KL: variants seen among roughly 807,000 people sequenced by gnomAD.
KL encodes the protein alpha-klotho.
KL carries 62 observed loss-of-function variants against 84.2 expected under a neutral mutation model. The observed-to-expected ratio is 0.74, with a 90% CI of 0.60 to 0.91. The LOEUF is 0.91. KL is among the 40% of genes least tolerant of loss of function. KL has a pLI of 0.00. For synonymous variants in KL, 528 were observed against 528.0 expected (o/e 1.00, Z 0.00); for missense variants, 1,261 against 1,305.7 (o/e 0.97, Z 0.53).
At chr13:33,057,254 A>G (rs1420011056) in intron 3 of KL, among the ~76,000 whole-genome samples, 1 of 152,070 alleles carries the variant, frequency 6.6e-6, no homozygotes, top group African/African-American at 2.4e-5. Context: ...ATTGCTGTGC[A>G]GATCATGGGA....
chr13:33,017,403 G>T (rs534180175), intron 1 of KL, 144 bp downstream of exon 1: 2 of 787,700 alleles, frequency 2.5e-6, no homozygotes, highest in South Asian at 3.7e-5. Flanking sequence ...AAACTGAGCA[G>T]TTCTGACTTC....
intron 4 of KL, among the ~76,000 whole-genome samples, chr13:33,062,030 T>C (rs1872228698): frequency 6.6e-6 from 1 of 152,236 alleles, no homozygotes; most frequent in African/African-American, 2.4e-5. Flanking sequence ...TTGTCTTCCA[T>C]CTTGGATGGC....
At position 33,061,305 on chromosome 13, in the gene KL, C is replaced by T. The variant is rs201355613; in HGVS notation, c.2226C>T (p.Ser742=). The part of the protein sequence containing the change: ...ADWIEPACPF[S]QKDKEVAERV... ...GGATAGAACCTGCCTGCCCTTTCTC[C>T]CAAAAGGACAAAGAGGTGGCTGAGA... The change falls in exon 4 of 5, where the codon TCC becomes TCT. Residue 742 remains serine, a synonymous_variant. Transcript: ENST00000380099. The T allele has an allele frequency of 3.1e-6, 5 of 1,614,172 alleles. No individual in the cohort carries two copies. The highest frequency in any genetic ancestry group is 4.2e-6 in the Non-Finnish European group (5 of 1,180,024).
rs940546825 is a variant in KL at position 33,065,465 on chromosome 13, A to G, written c.*1279A>G. ...CTCTCTATTACACTGGAGCTGTTTT[A>G]TAGATAAGTCAATATTGTATCAGGC... is the stretch of plus-strand genomic sequence containing the variant. On this transcript the variant is annotated 3_prime_UTR_variant, in exon 5 of 5. Coordinates refer to ENST00000380099, the MANE Select transcript of KL (RefSeq NM_004795.4). The G allele has an allele frequency of 1.0e-5, 2 of 193,320 alleles. No homozygotes were observed. Among genetic ancestry groups the G allele is most frequent in the African/African-American group, 4.6e-5 (2 of 43,136 alleles). 12.0% of individuals were successfully genotyped at this position (193,320 alleles called of 1,614,324 possible). A position where few individuals can be genotyped will look rare whatever the true frequency, so the allele number is the denominator to read the frequency against.
At chr13:33,043,202 C>T (rs1871400324) in intron 1 of KL, among the ~76,000 whole-genome samples, 1 of 151,636 alleles carries the variant, frequency 6.6e-6, no homozygotes, top group East Asian at 1.9e-4. Flanking sequence ...CGTTGTTTTA[C>T]GTCCTTGCCA....
intron 1 of KL, among the ~76,000 whole-genome samples, chr13:33,037,335 A>G (rs528240883): frequency 3.6e-4 from 55 of 152,246 alleles, no homozygotes; most frequent in African/African-American, 1.3e-3. Flanking sequence ...TTTAAAAAAA[A>G]CAACAAAGAT....
At chr13:33,020,928 C>G (rs1870554006) in intron 1 of KL, among the ~76,000 whole-genome samples, 1 of 152,252 alleles carries the variant, frequency 6.6e-6, no homozygotes, top group South Asian at 2.1e-4. Flanking sequence ...AGCTAACACG[C>G]TCCCTTGGGC....
chr13:33,045,756 G>A (rs572971998), intron 1 of KL, among the ~76,000 whole-genome samples: 35 of 152,294 alleles, frequency 2.3e-4, no homozygotes, highest in Non-Finnish European at 8.8e-5. Flanking sequence ...TGGGATTACA[G>A]GCATGAGCCA....
chr13:33,064,263 G>C lies in KL; in HGVS notation c.*77G>C. The C allele has an allele frequency of 8.9e-7, 1 of 1,118,658 alleles. No individual in the cohort carries two copies. Among genetic ancestry groups the C allele is most frequent in the Non-Finnish European group, 1.3e-6 (1 of 768,152 alleles). The allele number at this position is 1,118,658 out of a possible 1,614,324, so 69.3% of individuals were successfully genotyped here. On this transcript the variant is annotated 3_prime_UTR_variant, in exon 5 of 5. Transcript: ENST00000380099. ...AGCTGTTAACCATTTGCACCTCTAA[G>C]TGTTGTGAAACTGTAAATTTCATAC...
chr13:33,016,843 G>A lies in KL; in HGVS notation c.403G>A (p.Asp135Asn). 6.2e-7 allele frequency: 1 copy of A among 1,612,848 alleles called. No individual in the cohort carries two copies. Among genetic ancestry groups the A allele is most frequent in the Non-Finnish European group, 8.5e-7 (1 of 1,179,814 alleles). Residue 135 changes from aspartate (D) to asparagine (N), a missense_variant, in exon 1 of 5, where the codon GAC (aspartate) becomes AAC (asparagine). Physicochemically the swap from Asp to Asn is conservative, Grantham distance 23. Transcript: ENST00000380099. ...CGACAGCTACAACAACGTCTTCCGC[G>A]ACACGGAGGCGCTGCGCGAGCTCGG... ...ASDSYNNVFRDTEALRELGVT... is the reference protein window; with the variant it reads ...ASDSYNNVFRNTEALRELGVT...
At chr13:33,044,996 C>G (rs549960197) in intron 1 of KL, among the ~76,000 whole-genome samples, 4 of 152,042 alleles carry the variant, frequency 2.6e-5, no homozygotes, top group South Asian at 4.2e-4. Context: ...AATCAACATG[C>G]CTTTTATGTT....
At chr13:33,050,828 A>G (rs960156377) in intron 1 of KL, among the ~76,000 whole-genome samples, 4 of 152,230 alleles carry the variant, frequency 2.6e-5, no homozygotes, top group Non-Finnish European at 4.4e-5. Context: ...ACTACTTAAA[A>G]GACACTCTCA....
At chr13:33,032,009 G>A (rs1004323645) in intron 1 of KL, among the ~76,000 whole-genome samples, 2 of 151,974 alleles carry the variant, frequency 1.3e-5, no homozygotes, top group African/African-American at 4.8e-5. Flanking sequence ...GTCAGAGCTG[G>A]GGTCAAAACT....
chr13:33,036,185 C>G (rs1327768855), intron 1 of KL, among the ~76,000 whole-genome samples: 2 of 152,018 alleles, frequency 1.3e-5, no homozygotes, highest in Non-Finnish European at 2.9e-5. Flanking sequence ...TTTGACCAGC[C>G]CTAACTAAAA....
intron 1 of KL, among the ~76,000 whole-genome samples, chr13:33,039,231 T>G (rs1286958303): frequency 6.6e-6 from 1 of 152,258 alleles, no homozygotes; most frequent in Non-Finnish European, 1.5e-5. Context: ...ACACTGATCA[T>G]TTGTTGCTAA....
rs1195210837 is a variant in KL at position 33,053,752 on chromosome 13, T to A, written c.820-15T>A. 1.9e-6 allele frequency: 3 copies of A among 1,613,722 alleles called. No homozygotes were observed. The highest frequency in any genetic ancestry group is 2.5e-6 in the Non-Finnish European group (3 of 1,179,704). The stretch of plus-strand genomic sequence containing the variant: ...ACAACTAGAGATAAATTTGCCATGG[T>A]TTTTCTCTTCATAGGCTCATGCCAA... On this transcript the variant is annotated splice_polypyrimidine_tract_variant and intron_variant, in intron 1 of 4. Transcript: ENST00000380099.
Position 33,055,321 on chromosome 13 carries a change from T to A in KL, c.1599+6T>A. 1 of 1,614,170 alleles carries A rather than the reference T, an allele frequency of 6.2e-7. No individual in the cohort carries two copies. The highest frequency in any genetic ancestry group is 8.5e-7 in the Non-Finnish European group (1 of 1,180,024). Reference sequence around the variant, plus strand: ...TTGTTGACAACTACATTCAAGTAAGTCAGCTGACAAAACCAATCAGCAGTC... The same window carrying A: ...TTGTTGACAACTACATTCAAGTAAGACAGCTGACAAAACCAATCAGCAGTC... On this transcript the variant is annotated splice_donor_region_variant and intron_variant, in intron 3 of 4. Transcript: ENST00000380099.
chr13:33,062,187 T>C (rs1034906122), intron 4 of KL, among the ~76,000 whole-genome samples: 3 of 152,074 alleles, frequency 2.0e-5, no homozygotes, highest in African/African-American at 7.2e-5. Context: ...GAGACCAGCC[T>C]GGGCAACATA....
At chr13:33,059,894 T>G (rs1325639308) in intron 3 of KL, among the ~76,000 whole-genome samples, 1 of 152,240 alleles carries the variant, frequency 6.6e-6, no homozygotes, top group African/African-American at 2.4e-5. Flanking sequence ...CAAACCTCAA[T>G]TTAGAGCGTA....
Sources: gnomAD v4.1 joint callset for allele counts (sites outside exome capture counted in the v4.1 genomes callset) on GRCh38, gnomAD v4.1.1 for gene constraint, MANE v1.5 for transcripts, NCBI Gene and HGNC (gene_info 2026-07-23, HGNC 2026-07-21) for gene names.